PINX1: variants seen among roughly 807,000 people sequenced by gnomAD.
PINX1 encodes the protein PIN2/TERF1-interacting telomerase inhibitor 1.
In PINX1, 34 loss-of-function variants were observed where a neutral mutation model predicts 25.4. The observed-to-expected ratio is 1.34, with a 90% CI of 1.02 to 1.78. The LOEUF (loss-of-function observed/expected upper bound fraction) is 1.78, where lower values mean the gene tolerates loss of function less well. Among genes scored for constraint, PINX1 ranks in the 40% most tolerant of loss-of-function variants. PINX1 has a pLI of 0.00. For missense variants in PINX1, 592 were observed against 404.9 expected (o/e 1.46, Z -3.97); for synonymous variants, 197 against 147.7 (o/e 1.33, Z -2.42).
At chr8:10,806,128 AGTG>A (rs1563221569) in intron 6 of PINX1, among the ~76,000 whole-genome samples, 1 of 115,704 alleles carries the variant, frequency 8.6e-6, no homozygotes, top group African/African-American at 3.9e-5. Flanking sequence ...GGGCCACACT[AGTG>A]CTGAGGGGGT....
At chr8:10,813,313 G>T (rs745923591) in intron 6 of PINX1, among the ~76,000 whole-genome samples, 2 of 152,218 alleles carry the variant, frequency 1.3e-5, no homozygotes, top group Middle Eastern at 3.4e-3. Context: ...TAAATGTTGG[G>T]TATCAGTGTG....
At chr8:10,834,961 T>TTCTAG (rs1262965989) in intron 1 of PINX1, among the ~76,000 whole-genome samples, 186 bp from the exon 2 acceptor site, 1 of 152,222 alleles carries the variant, frequency 6.6e-6, no homozygotes, top group African/African-American at 2.4e-5. Flanking sequence ...ATTTCCCTAA[T>TTCTAG]AAATGTATAT....
chr8:10,786,568 G>C (rs958123695), intron 6 of PINX1, among the ~76,000 whole-genome samples: 1 of 152,120 alleles, frequency 6.6e-6, no homozygotes, highest in Non-Finnish European at 1.5e-5. Context: ...CGTGAGCTAC[G>C]CCCCAGAAGG....
intron 6 of PINX1, among the ~76,000 whole-genome samples, chr8:10,779,041 AG>A (rs1801501736): frequency 6.6e-6 from 1 of 152,240 alleles, no homozygotes. Flanking sequence ...TCCTAGGTTT[AG>A]AAAAATTACG....
chr8:10,818,571 G>C (rs1050384449), intron 6 of PINX1, among the ~76,000 whole-genome samples: 11 of 152,160 alleles, frequency 7.2e-5, no homozygotes, highest in African/African-American at 2.7e-4. Context: ...GAGGGTGTCC[G>C]GGAGGGCAAA....
chr8:10,802,585 A>T lies in PINX1; in HGVS notation c.471+17608T>A, dbSNP rs532500191. Among the ~76,000 whole-genome samples, 27 of 152,248 alleles carry T rather than the reference A, an allele frequency of 1.8e-4. No individual in the cohort carries two copies. In the South Asian group the frequency reaches 2.1e-3, roughly 12 times the overall value. ...CCTATTGGTTACTCTGCATTCCTAA[A>T]TCTTCCTAACTGCTTGCTACTCTCA... On this transcript the variant is annotated intron_variant, in intron 6 of 6. Coordinates refer to ENST00000314787, the MANE Select transcript of PINX1 (RefSeq NM_017884.6).
intron 1 of PINX1, among the ~76,000 whole-genome samples, chr8:10,838,278 C>T (rs1272405567): frequency 6.6e-6 from 1 of 152,070 alleles, no homozygotes; most frequent in Non-Finnish European, 1.5e-5. Context: ...ACCCATTTAG[C>T]AAATTACGAA....
chr8:10,796,260 A>G (rs573886160), intron 6 of PINX1, among the ~76,000 whole-genome samples: 1 of 152,312 alleles, frequency 6.6e-6, no homozygotes, highest in East Asian at 1.9e-4. Context: ...GGGGAAAAGA[A>G]CTTCCATCTG....
chr8:10,766,025 G>A (rs901950196), intron 6 of PINX1, 109 bp from the exon 7 acceptor site: 6 of 1,018,620 alleles, frequency 5.9e-6, no homozygotes, highest in East Asian at 2.4e-5. Context: ...CACACCCGGC[G>A]CTCACACCCG....
intron 6 of PINX1, among the ~76,000 whole-genome samples, chr8:10,818,868 G>T (rs150306501): frequency 0.015 from 2,222 of 152,292 alleles, 66 homozygotes; most frequent in African/African-American, 0.05. Flanking sequence ...AGGGGTTGGA[G>T]AGGAGGCTGG....
At chr8:10,794,317 G>A (rs987922003) in intron 6 of PINX1, among the ~76,000 whole-genome samples, 8 of 151,972 alleles carry the variant, frequency 5.3e-5, no homozygotes, top group Non-Finnish European at 1.0e-4. Flanking sequence ...AAATATTTCC[G>A]TTAACCTACA....
intron 6 of PINX1, among the ~76,000 whole-genome samples, chr8:10,816,990 G>C (rs1462029653): frequency 6.6e-6 from 1 of 152,198 alleles, no homozygotes; most frequent in African/African-American, 2.4e-5. Flanking sequence ...TGGCACACAG[G>C]TGCTTAATAA....
chr8:10,825,632 C>T (rs1311812698), intron 5 of PINX1, among the ~76,000 whole-genome samples: 1 of 152,146 alleles, frequency 6.6e-6, no homozygotes, highest in Non-Finnish European at 1.5e-5. Flanking sequence ...TTTTACCCGA[C>T]TTGGCAATGA....
intron 6 of PINX1, among the ~76,000 whole-genome samples, chr8:10,770,114 C>T (rs1490951360): frequency 6.6e-6 from 1 of 152,212 alleles, no homozygotes; most frequent in Non-Finnish European, 1.5e-5. Flanking sequence ...TTTTAAAGCA[C>T]AGAGTAAAAC....
chr8:10,820,070 GC>G, intron 6 of PINX1, 122 bp downstream of exon 6: 2 of 691,578 alleles, frequency 2.9e-6, no homozygotes, highest in Non-Finnish European at 5.4e-6. Flanking sequence ...TGTGCATGAA[GC>G]CTCCAAAGTG....
At chr8:10,820,044 A>C in intron 6 of PINX1, 149 bp downstream of exon 6, 1 of 582,162 alleles carries the variant, frequency 1.7e-6, no homozygotes, top group Non-Finnish European at 3.1e-6. Flanking sequence ...TATTATGAAA[A>C]GGATCATATC....
Position 10,765,553 on chromosome 8 carries a change from C to T in PINX1, c.835G>A (p.Asp279Asn). 6.2e-7 allele frequency: 1 copy of T among 1,613,686 alleles called. No individual in the cohort carries two copies. The highest frequency in any genetic ancestry group is 8.5e-7 in the Non-Finnish European group (1 of 1,179,884). Residue 279 changes from aspartate to asparagine, a missense_variant, in exon 7 of 7, where the codon GAC becomes AAC. Asp to Asn is a conservative substitution (Grantham distance 23). Coordinates refer to ENST00000314787, the MANE Select transcript of PINX1 (RefSeq NM_017884.6). ...CGGCCCTCAGGCGGCTGCACATGGT[C>T]CCCTGCATCCTGAGCAGAGGCCTTG... ...SSKASAQDAG[D>N]HVQPPEGRDF...
intron 6 of PINX1, among the ~76,000 whole-genome samples, chr8:10,777,739 G>A (rs1220369501): frequency 2.0e-5 from 3 of 152,166 alleles, no homozygotes; most frequent in Non-Finnish European, 4.4e-5. Flanking sequence ...GTTTTTATAA[G>A]GACTTCCGTT....
At chr8:10,781,834 G>C (rs144392287) in intron 6 of PINX1, among the ~76,000 whole-genome samples, 2 of 152,222 alleles carry the variant, frequency 1.3e-5, no homozygotes, top group East Asian at 3.9e-4. Context: ...CCCTCTTCTG[G>C]AAATATACCC....
Sources: allele counts gnomAD v4.1 joint callset (sites outside exome capture counted in the v4.1 genomes callset), GRCh38; gene constraint gnomAD v4.1.1; transcripts MANE v1.5; gene names NCBI Gene and HGNC (gene_info 2026-07-23, HGNC 2026-07-21).